Variants in NEXMIF observed in about 807,000 individuals in gnomAD.
The protein encoded by NEXMIF is neurite extension and migration factor, also known as XLMR protein related to neurite extension.
NEXMIF carries 8 observed loss-of-function variants against 62.1 expected under a neutral mutation model. That is an observed-to-expected ratio of 0.13 (90% CI 0.08 to 0.23). The LOEUF (loss-of-function observed/expected upper bound fraction) is 0.23, where lower values mean the gene tolerates loss of function less well. NEXMIF is among the 10% of genes least tolerant of loss of function. NEXMIF has a pLI of 1.00. For synonymous variants in NEXMIF, 404 were observed against 416.6 expected, an observed-to-expected ratio of 0.97 and a Z score of 0.37; for missense variants, 976 against 1,113.3, an observed-to-expected ratio of 0.88 and a Z score of 1.75.
In NEXMIF at chrX:74,787,120, A is replaced by G. The variant is rs1453885259; in HGVS notation, c.-47-41423T>C. 5.5e-4 allele frequency among the ~76,000 whole-genome samples: 58 copies of G among 105,747 alleles called. 1 individual carries two copies. Among genetic ancestry groups the G allele is most frequent in the African/African-American group, 1.4e-3 (42 of 29,228 alleles). 91.8% of individuals were successfully genotyped at this position (105,747 alleles called of 115,157 possible). On this transcript the variant is annotated intron_variant, in intron 1 of 3. Coordinates refer to ENST00000055682, the MANE Select transcript of NEXMIF (RefSeq NM_001008537.3). Reference sequence around the variant, plus strand: ...CCAAAAATACAAAAAAAAAAAAAAAAAAAAGAAAAAAAATTAGCCAGGCGT... The same window carrying G: ...CCAAAAATACAAAAAAAAAAAAAAAGAAAAGAAAAAAAATTAGCCAGGCGT...
At chrX:74,748,792 C>T (rs891138420) in intron 1 of NEXMIF, among the ~76,000 whole-genome samples, 3 of 111,479 alleles carry the variant, frequency 2.7e-5, no homozygotes, top group Non-Finnish European at 5.6e-5. Context: ...AGTCTAAGGT[C>T]TCAGAGTCTA....
chrX:74,878,216 C>T (rs2080646091), intron 1 of NEXMIF, among the ~76,000 whole-genome samples: 1 of 111,473 alleles, frequency 9.0e-6, no homozygotes, highest in Non-Finnish European at 1.9e-5. Context: ...CAGACGGGAC[C>T]CTCAGCTGCA....
At chrX:74,772,595 T>G (rs2080213570) in intron 1 of NEXMIF, among the ~76,000 whole-genome samples, 1 of 112,524 alleles carries the variant, frequency 8.9e-6, no homozygotes, top group South Asian at 3.7e-4. Context: ...TTCCATGACC[T>G]GCTCCATTTA....
At chrX:74,863,315 A>G (rs1319822243) in intron 1 of NEXMIF, among the ~76,000 whole-genome samples, 2 of 111,300 alleles carry the variant, frequency 1.8e-5, no homozygotes, top group Admixed American at 1.9e-4. Context: ...GACACAAAAA[A>G]CTGTTCAAAC....
At chrX:74,907,815 T>A (rs1273140625) in intron 1 of NEXMIF, among the ~76,000 whole-genome samples, 1 of 111,381 alleles carries the variant, frequency 9.0e-6, no homozygotes. Context: ...AGTATATGAT[T>A]TTACTTCCTC....
At chrX:74,919,842 T>G (rs1282331947) in intron 1 of NEXMIF, among the ~76,000 whole-genome samples, 1 of 110,698 alleles carries the variant, frequency 9.0e-6, no homozygotes, top group African/African-American at 3.3e-5. Context: ...GTTCTCATTG[T>G]TCAATTCCCA....
intron 1 of NEXMIF, among the ~76,000 whole-genome samples, chrX:74,780,170 A>G (rs900325489): frequency 4.5e-5 from 5 of 111,922 alleles, no homozygotes; most frequent in Non-Finnish European, 1.9e-5. Flanking sequence ...CTTTGTATCA[A>G]ACACAGATAA....
At chrX:74,871,293 T>C (rs1221743819) in intron 1 of NEXMIF, among the ~76,000 whole-genome samples, 1 of 110,956 alleles carries the variant, frequency 9.0e-6, no homozygotes, top group Non-Finnish European at 1.9e-5. Context: ...AAGTTTTTAT[T>C]AGGGATTTTG....
At chrX:74,847,930 A>C (rs1429834040) in intron 1 of NEXMIF, among the ~76,000 whole-genome samples, 1 of 111,310 alleles carries the variant, frequency 9.0e-6, no homozygotes, top group Non-Finnish European at 1.9e-5. Context: ...TGGTCAGACC[A>C]TCTAGTTAGA....
chrX:74,889,372 A>T (rs758890184), intron 1 of NEXMIF, among the ~76,000 whole-genome samples: 2 of 112,054 alleles, frequency 1.8e-5, no homozygotes, highest in Non-Finnish European at 3.8e-5. Flanking sequence ...GGCAAATTAT[A>T]ATGAAAATAT....
chrX:74,765,681 G>C (rs2080192534), intron 1 of NEXMIF, among the ~76,000 whole-genome samples: 1 of 109,655 alleles, frequency 9.1e-6, no homozygotes, highest in Admixed American at 9.8e-5. Context: ...CCTTTGCTGA[G>C]GAAGCTTAAT....
chrX:74,919,867 C>G (rs4892531), intron 1 of NEXMIF, among the ~76,000 whole-genome samples: 1 of 109,597 alleles, frequency 9.1e-6, no homozygotes, highest in Admixed American at 9.8e-5. Flanking sequence ...TGAGTGAGAA[C>G]ACGCGGTGTT....
intron 1 of NEXMIF, among the ~76,000 whole-genome samples, chrX:74,755,392 G>A (rs770716302): frequency 8.9e-6 from 1 of 111,735 alleles, no homozygotes; most frequent in East Asian, 2.8e-4. Flanking sequence ...GTATCTCTCA[G>A]TGGGACAAGT....
chrX:74,886,927 G>A (rs2080696532), intron 1 of NEXMIF, among the ~76,000 whole-genome samples: 1 of 109,659 alleles, frequency 9.1e-6, no homozygotes, highest in Non-Finnish European at 1.9e-5. Flanking sequence ...AACCAAAACA[G>A]CATGGTACTG....
chrX:74,839,304 T>G (rs1270973609), intron 1 of NEXMIF, among the ~76,000 whole-genome samples: 2 of 112,106 alleles, frequency 1.8e-5, no homozygotes, highest in East Asian at 5.6e-4. Flanking sequence ...TTTGGTCCTT[T>G]CCTAGAGATA....
chrX:74,803,422 G>T lies in NEXMIF; in HGVS notation c.-47-57725C>A, dbSNP rs185515292. ...AAATAAATAAATAAATAAATAAGTAGCCAGGCGTGGTGGCAGGCGCCTGTA... is the reference window on the plus strand; with the variant it reads ...AAATAAATAAATAAATAAATAAGTATCCAGGCGTGGTGGCAGGCGCCTGTA... On this transcript the variant is annotated intron_variant, in intron 1 of 3. Coordinates refer to ENST00000055682, the MANE Select transcript of NEXMIF (RefSeq NM_001008537.3). Among the ~76,000 whole-genome samples, 1,073 of 110,464 alleles carry T rather than the reference G, an allele frequency of 9.7e-3. 14 individuals are homozygous for T. The highest frequency in any genetic ancestry group is 0.034 in the African/African-American group (1,027 of 30,335).
chrX:74,914,777 A>C (rs1338816548), intron 1 of NEXMIF, among the ~76,000 whole-genome samples: 1 of 112,275 alleles, frequency 8.9e-6, no homozygotes, highest in Non-Finnish European at 1.9e-5. Context: ...CAAAAACTCC[A>C]GACAACCAAA....
At chrX:74,773,035 T>C (rs1602223110) in intron 1 of NEXMIF, among the ~76,000 whole-genome samples, 1 of 112,006 alleles carries the variant, frequency 8.9e-6, no homozygotes, top group East Asian at 2.8e-4. Flanking sequence ...AAAAATGATG[T>C]CTGTGCTGCA....
At chrX:74,780,628 T>G (rs1461641021) in intron 1 of NEXMIF, among the ~76,000 whole-genome samples, 1 of 110,854 alleles carries the variant, frequency 9.0e-6, no homozygotes, top group South Asian at 3.9e-4. Context: ...CGGCCCGCTG[T>G]GGCCTCCCAA....
Sources: gnomAD v4.1 joint callset for allele counts (sites outside exome capture counted in the v4.1 genomes callset) on GRCh38, gnomAD v4.1.1 for gene constraint, MANE v1.5 for transcripts, NCBI Gene and HGNC (gene_info 2026-07-23, HGNC 2026-07-21) for gene names.